NFATC2: variants seen among roughly 807,000 people sequenced by gnomAD.
The protein encoded by NFATC2 is nuclear factor of activated T cells 2, also known as nuclear factor of activated T-cells, cytoplasmic 2.
In NFATC2, 22 loss-of-function variants were observed where a neutral mutation model predicts 87.3. The ratio of observed to expected loss-of-function variants is 0.25; its 90% CI spans 0.18 to 0.36. NFATC2 has a LOEUF of 0.36. Ranked by LOEUF, NFATC2 falls within the 10% of genes least tolerant of loss-of-function variation. NFATC2 has a pLI of 1.00. For missense variants in NFATC2, 1,149 were observed against 1,259.1 expected (o/e 0.91, Z 1.32); for synonymous variants, 565 against 542.2 (o/e 1.04, Z -0.58).
chr20:51,399,984 C>T (rs1173982815), intron 9 of NFATC2, among the ~76,000 whole-genome samples: 3 of 152,156 alleles, frequency 2.0e-5, no homozygotes, highest in African/African-American at 7.2e-5. Flanking sequence ...ATCCTCACCC[C>T]TCCTCCCCGT....
intron 2 of NFATC2, among the ~76,000 whole-genome samples, chr20:51,518,204 G>A (rs2076385673): frequency 1.3e-5 from 2 of 152,096 alleles, no homozygotes; most frequent in Non-Finnish European, 1.5e-5. Context: ...TTTTCCCCTG[G>A]GAATTTTGAA....
chr20:51,506,698 C>T (rs979704821), intron 3 of NFATC2, among the ~76,000 whole-genome samples: 1 of 152,170 alleles, frequency 6.6e-6, no homozygotes, highest in African/African-American at 2.4e-5. Context: ...GACACGGACA[C>T]TCCTATGAAC....
chr20:51,457,772 C>CA (rs1453015733), intron 5 of NFATC2, among the ~76,000 whole-genome samples: 3 of 152,056 alleles, frequency 2.0e-5, no homozygotes, highest in Non-Finnish European at 4.4e-5. Flanking sequence ...TGCAGTTTTA[C>CA]AAGGAGCCCA....
intron 9 of NFATC2, among the ~76,000 whole-genome samples, chr20:51,419,100 C>T (rs1056731724): frequency 1.3e-5 from 2 of 152,176 alleles, no homozygotes; most frequent in Admixed American, 1.3e-4. Context: ...CTCACTGGCA[C>T]ACAGTAGGGA....
At chr20:51,402,041 T>A (rs962738976) in intron 9 of NFATC2, among the ~76,000 whole-genome samples, 3 of 152,230 alleles carry the variant, frequency 2.0e-5, no homozygotes, top group Admixed American at 1.3e-4. Flanking sequence ...CTAAGGGACG[T>A]CCAGTTTTGT....
intron 9 of NFATC2, among the ~76,000 whole-genome samples, chr20:51,427,594 G>A (rs934963619): frequency 2.6e-5 from 4 of 152,110 alleles, no homozygotes; most frequent in Non-Finnish European, 5.9e-5. Flanking sequence ...CAGCCAGAGT[G>A]ATCTTCTCAA....
intron 4 of NFATC2, among the ~76,000 whole-genome samples, chr20:51,474,902 C>T (rs1478589229): frequency 6.6e-6 from 1 of 151,810 alleles, no homozygotes; most frequent in Non-Finnish European, 1.5e-5. Context: ...TCCCATGCAA[C>T]ATAACACAAA....
intron 1 of NFATC2, among the ~76,000 whole-genome samples, chr20:51,532,418 C>T (rs981876008): frequency 7.2e-5 from 11 of 152,176 alleles, no homozygotes; most frequent in East Asian, 1.9e-4. Context: ...GGATCCCCCC[C>T]GGAAAAGAAA....
intron 9 of NFATC2, among the ~76,000 whole-genome samples, chr20:51,404,712 G>A (rs1301816196): frequency 6.6e-6 from 1 of 152,206 alleles, no homozygotes; most frequent in Non-Finnish European, 1.5e-5. Context: ...GAATGGGCAG[G>A]GCTGAGATCA....
intron 1 of NFATC2, 32 bp downstream of exon 1, chr20:51,542,338 C>T (rs1388368676): frequency 1.3e-6 from 2 of 1,594,420 alleles, no homozygotes; most frequent in African/African-American, 2.8e-5. Context: ...CTGGCGGGCT[C>T]AGGGGCCAGG....
At chr20:51,474,479 CTTGAA>C (rs1301059117) in intron 4 of NFATC2, among the ~76,000 whole-genome samples, 1 of 152,132 alleles carries the variant, frequency 6.6e-6, no homozygotes, top group African/African-American at 2.4e-5. Flanking sequence ...CGTGAAATCT[CTTGAA>C]TTGAATAAAT....
intron 8 of NFATC2, 113 bp downstream of exon 8, chr20:51,435,075 G>C (rs1983359034): frequency 7.6e-7 from 1 of 1,317,736 alleles, no homozygotes; most frequent in Admixed American, 2.2e-5. Context: ...GAGGCTCAGA[G>C]AGGTTGAGTC....
At chr20:51,531,462 C>G (rs1182771184) in intron 1 of NFATC2, among the ~76,000 whole-genome samples, 1 of 152,184 alleles carries the variant, frequency 6.6e-6, no homozygotes, top group Non-Finnish European at 1.5e-5. Flanking sequence ...AAATCTCTGG[C>G]CACTCCCAAA....
At chr20:51,426,792 G>A (rs1440431318) in intron 9 of NFATC2, among the ~76,000 whole-genome samples, 4 of 152,156 alleles carry the variant, frequency 2.6e-5, no homozygotes, top group African/African-American at 9.7e-5. Flanking sequence ...GACATCTGGG[G>A]GCTTCTGGGG....
At chr20:51,398,838 T>A in intron 9 of NFATC2, 108 bp from the exon 10 acceptor site, 1 of 778,012 alleles carries the variant, frequency 1.3e-6, no homozygotes, top group Non-Finnish European at 2.2e-6. Flanking sequence ...GGAGGGAACT[T>A]AACCCTTTGG....
chr20:51,551,651 C>T (rs572809007), intron 1 of NFATC2, among the ~76,000 whole-genome samples: 21 of 151,112 alleles, frequency 1.4e-4, no homozygotes, highest in Middle Eastern at 3.4e-3. Context: ...CTCAAGCTAC[C>T]GCATCTGGCC....
At chr20:51,427,789 C>T (rs1490500464) in intron 9 of NFATC2, among the ~76,000 whole-genome samples, 4 of 152,190 alleles carry the variant, frequency 2.6e-5, no homozygotes, top group Non-Finnish European at 5.9e-5. Flanking sequence ...CACTCATCTG[C>T]AGGGGCCAAC....
chr20:51,544,172 A>T (rs983849622), upstream of NFATC2, among the ~76,000 whole-genome samples: 1 of 151,566 alleles, frequency 6.6e-6, no homozygotes, highest in Non-Finnish European at 1.5e-5. Context: ...TATTTTTAGT[A>T]GAGATGGGGT....
At position 51,473,828 on chromosome 20, in the gene NFATC2, C is replaced by T. The variant is rs6096443; in HGVS notation, c.1708+152G>A. On this transcript the variant is annotated intron_variant, in intron 5 of 10. Coordinates refer to ENST00000371564, the MANE Select transcript of NFATC2 (RefSeq NM_012340.5). ...CACTGCAATGTGCTCTGTCTCTGTC[C>T]CCTCTGGTCATCTTGGGCCAGTGTA... 2,255 of 712,004 alleles carry T rather than the reference C, an allele frequency of 3.2e-3. 40 individuals are homozygous for T. In the African/African-American group the frequency reaches 0.034, roughly 11 times the overall value. The allele number at this position is 712,004 out of a possible 1,614,324, so 44.1% of individuals were successfully genotyped here.
Sources: gnomAD v4.1 joint callset for allele counts (sites outside exome capture counted in the v4.1 genomes callset) on GRCh38, gnomAD v4.1.1 for gene constraint, MANE v1.5 for transcripts, NCBI Gene and HGNC (gene_info 2026-07-23, HGNC 2026-07-21) for gene names.